The following TCERG1 variants were observed in gnomAD, a reference collection of about 807,000 sequenced individuals.
The protein encoded by TCERG1 is transcription elongation regulator 1.
In TCERG1, 37 loss-of-function variants were observed where a neutral mutation model predicts 144.7. That is an observed-to-expected ratio of 0.26 (90% CI 0.20 to 0.34). The LOEUF is 0.34. TCERG1 is among the 10% of genes least tolerant of loss of function. The pLI is 1.00. For synonymous variants in TCERG1, 492 were observed against 458.2 expected (o/e 1.07, Z -0.94); for missense variants, 1,027 against 1,380.7 (o/e 0.74, Z 4.06).
rs990801589 is a variant in TCERG1 at position 146,447,336 on chromosome 5, C to T, written c.-14C>T. On this transcript the variant is annotated 5_prime_UTR_variant, in exon 1 of 23. In the 5' UTR this introduces an upstream ATG that the reference lacks. Coordinates refer to ENST00000679501, the MANE Select transcript of TCERG1 (RefSeq NM_001382548.1). ...GACGTCGGGTCGGCGGGTGGATGAA[C>T]GCGGCCCTCTGTAATGGCGGAGCGT... 4 of 1,610,888 alleles carry T rather than the reference C, an allele frequency of 2.5e-6. No homozygotes were observed. Among genetic ancestry groups the T allele is most frequent in the African/African-American group, 1.3e-5 (1 of 74,806 alleles).
At chr5:146,465,359 CT>C (rs1161884395) in intron 5 of TCERG1, among the ~76,000 whole-genome samples, 1 of 152,148 alleles carries the variant, frequency 6.6e-6, no homozygotes, top group African/African-American at 2.4e-5. Flanking sequence ...ATTTGAACAA[CT>C]TTTGCTTTTC....
intron 5 of TCERG1, among the ~76,000 whole-genome samples, chr5:146,464,824 A>G (rs1036858198): frequency 1.8e-4 from 27 of 152,124 alleles, no homozygotes; most frequent in Admixed American, 5.2e-4. Context: ...TGATACAGCT[A>G]TTTCTTAGAT....
At chr5:146,494,811 T>C (rs1301861571) in intron 16 of TCERG1, among the ~76,000 whole-genome samples, 1 of 152,162 alleles carries the variant, frequency 6.6e-6, no homozygotes, top group Non-Finnish European at 1.5e-5. Context: ...TATGTCGTTT[T>C]TCTTTTTAAT....
At chr5:146,492,537 A>G (rs1191216981) in intron 15 of TCERG1, among the ~76,000 whole-genome samples, 3 of 152,178 alleles carry the variant, frequency 2.0e-5, no homozygotes, top group Non-Finnish European at 2.9e-5. Flanking sequence ...GTCTTAAGAG[A>G]AGCACGGAAA....
intron 5 of TCERG1, among the ~76,000 whole-genome samples, chr5:146,467,540 C>T (rs1038503802): frequency 2.0e-5 from 3 of 152,200 alleles, no homozygotes; most frequent in Non-Finnish European, 4.4e-5. Context: ...CTTCTAAGAA[C>T]TGTACATAAT....
At chr5:146,454,901 T>C (rs1396181378) in intron 1 of TCERG1, among the ~76,000 whole-genome samples, 155 bp from the exon 2 acceptor site, 2 of 152,172 alleles carry the variant, frequency 1.3e-5, no homozygotes, top group Non-Finnish European at 2.9e-5. Context: ...CCCGGCCCAT[T>C]GATGTAGTTT....
At position 146,507,167 on chromosome 5, in the gene TCERG1, A is replaced by AT. The variant is rs778226732; in HGVS notation, c.2921_2922insT (p.Lys974AsnfsTer6). 1 of 1,608,042 alleles carries AT rather than the reference A, an allele frequency of 6.2e-7. No homozygotes were observed. On this transcript the variant is annotated frameshift_variant, in exon 20 of 23. Transcript: ENST00000679501. LOFTEE classifies it high-confidence loss of function. The surrounding 1 kb of genome is among the most constrained non-coding windows in gnomAD (Gnocchi z 4.6). The stretch of plus-strand genomic sequence containing the variant: ...CACATTGAAGCACTTACCAAAAAAA[A>AT]GAGAGAGCACTTTAGGCAACTTCTG...
At chr5:146,485,516 T>C (rs1162701700) in intron 15 of TCERG1, among the ~76,000 whole-genome samples, 1 of 152,194 alleles carries the variant, frequency 6.6e-6, no homozygotes, top group African/African-American at 2.4e-5. Flanking sequence ...TATAGTGAAA[T>C]TAGAAGTAAC....
chr5:146,478,782 T>C (rs1765078118), intron 10 of TCERG1, 129 bp downstream of exon 10: 3 of 878,096 alleles, frequency 3.4e-6, no homozygotes, highest in Non-Finnish European at 5.0e-6. Context: ...AAAAATAGAC[T>C]GCTATCCTAG....
intron 2 of TCERG1, 121 bp downstream of exon 2, chr5:146,455,402 A>G (rs1762741142): frequency 1.8e-6 from 2 of 1,099,194 alleles, no homozygotes; most frequent in Admixed American, 2.8e-5. Flanking sequence ...GGAGCTAAAG[A>G]GAAGATCCAT....
At chr5:146,482,569 G>A (rs757517708) in intron 13 of TCERG1, 23 bp from the exon 14 acceptor site, 1 of 1,578,082 alleles carries the variant, frequency 6.3e-7, no homozygotes, top group Non-Finnish European at 8.6e-7. Flanking sequence ...GTCAGTTGAT[G>A]TCTTATATTT....
At chr5:146,492,703 T>C (rs1436042692) in intron 15 of TCERG1, among the ~76,000 whole-genome samples, 2 of 152,180 alleles carry the variant, frequency 1.3e-5, no homozygotes, top group East Asian at 3.8e-4. Context: ...TTTTGCTGTT[T>C]TCTTTTGTTC....
At chr5:146,465,883 C>T (rs915351087) in intron 5 of TCERG1, among the ~76,000 whole-genome samples, 18 of 151,874 alleles carry the variant, frequency 1.2e-4, no homozygotes, top group African/African-American at 4.4e-4. Flanking sequence ...ACAAAATTAG[C>T]CGGGCGTGGT....
Position 146,509,195 on chromosome 5 carries a change from C to CA in TCERG1, c.3099dup (p.Ala1034SerfsTer2). The CA allele has an allele frequency of 6.2e-7, 1 of 1,608,632 alleles. No homozygotes were observed. On this transcript the variant is annotated frameshift_variant, in exon 22 of 23. Transcript: ENST00000679501. LOFTEE classifies it high-confidence loss of function. ...ATATCAGAGACAAATATATCACAGC[C>CA]AAAGCTGACTTCAGGACGCTTTTGA...
At chr5:146,510,357 G>T (rs984047049) in intron 22 of TCERG1, 84 bp from the exon 23 acceptor site, 9 of 928,282 alleles carry the variant, frequency 9.7e-6, no homozygotes, top group Non-Finnish European at 1.5e-5. Flanking sequence ...ACACAATTAG[G>T]AACTAGATGG....
chr5:146,493,059 A>C (rs1189812737), intron 16 of TCERG1, 21 bp downstream of exon 16: 1 of 1,466,468 alleles, frequency 6.8e-7, no homozygotes, highest in Non-Finnish European at 9.4e-7. Flanking sequence ...TGTTTCTCTT[A>C]AATATCAAAG....
chr5:146,510,656 T>A lies in TCERG1; in HGVS notation c.*14T>A. The A allele has an allele frequency of 6.2e-7, 1 of 1,604,642 alleles. No individual in the cohort carries two copies. Among genetic ancestry groups the A allele is most frequent in the Non-Finnish European group, 8.5e-7 (1 of 1,175,080 alleles). On this transcript the variant is annotated 3_prime_UTR_variant, in exon 23 of 23. Coordinates refer to ENST00000679501, the MANE Select transcript of TCERG1 (RefSeq NM_001382548.1). Reference sequence around the variant, plus strand: ...TCAACAAAATAATTCTAAATACTCTTCCATAGGGGCATCTATTCAAAATGC... The same window carrying A: ...TCAACAAAATAATTCTAAATACTCTACCATAGGGGCATCTATTCAAAATGC...
chr5:146,459,171 G>A lies in TCERG1; in HGVS notation c.726G>A (p.Gln242=). 1.9e-6 allele frequency: 3 copies of A among 1,613,252 alleles called. No individual in the cohort carries two copies. Among genetic ancestry groups the A allele is most frequent in the African/African-American group, 2.7e-5 (2 of 74,998 alleles). The change falls in exon 4 of 23, where the codon CAG becomes CAA. Residue 242 remains glutamine (Q), a synonymous_variant. Coordinates refer to ENST00000679501, the MANE Select transcript of TCERG1 (RefSeq NM_001382548.1). ...QAQAQAQAQA[Q]VQAQVQAQVQ... ...AAGCTCAGGCCCAGGCCCAGGCTCA[G>A]GTCCAGGCCCAGGTCCAGGCACAAG...
intron 1 of TCERG1, among the ~76,000 whole-genome samples, chr5:146,452,475 T>C (rs746750248): frequency 2.0e-4 from 31 of 152,334 alleles, no homozygotes; most frequent in Middle Eastern, 3.4e-3. Context: ...CAAATACTAA[T>C]ACTAATATTT....
Sources: gnomAD v4.1 joint callset for allele counts (sites outside exome capture counted in the v4.1 genomes callset) on GRCh38, gnomAD v4.1.1 for gene constraint, Gnocchi (gnomAD v3.1) non-coding constraint, MANE v1.5 for transcripts, NCBI Gene and HGNC (gene_info 2026-07-23, HGNC 2026-07-21) for gene names.